COG5: variants seen among roughly 807,000 people sequenced by gnomAD.
COG5 encodes component of oligomeric golgi complex 5.
A neutral mutation model predicts 110.4 loss-of-function variants in COG5; 86 were observed. That is an observed-to-expected ratio of 0.78 (90% CI 0.65 to 0.93). The LOEUF is 0.93. COG5 is among the 40% of genes least tolerant of loss of function. The pLI is 0.00. For missense variants in COG5, 1,077 were observed against 987.0 expected, an observed-to-expected ratio of 1.09 and a Z score of -1.22; for synonymous variants, 360 against 334.6, an observed-to-expected ratio of 1.08 and a Z score of -0.83.
intron 11 of COG5, among the ~76,000 whole-genome samples, chr7:107,320,597 T>G (rs1445480429): frequency 6.6e-6 from 1 of 152,208 alleles, no homozygotes; most frequent in African/African-American, 2.4e-5. Flanking sequence ...AAGGGTGTCT[T>G]TCTGGTTGTC....
At chr7:107,250,247 A>G (rs985238101) in intron 16 of COG5, among the ~76,000 whole-genome samples, 3 of 152,140 alleles carry the variant, frequency 2.0e-5, no homozygotes, top group African/African-American at 7.2e-5. Flanking sequence ...GCCTAATTTT[A>G]TGTTTAAACT....
intron 6 of COG5, among the ~76,000 whole-genome samples, chr7:107,473,402 G>A (rs1321537814): frequency 1.3e-5 from 2 of 151,884 alleles, no homozygotes; most frequent in African/African-American, 2.4e-5. Flanking sequence ...AGTTCAGTGA[G>A]CATTGTAACT....
intron 7 of COG5, among the ~76,000 whole-genome samples, chr7:107,392,879 T>G (rs1790724822): frequency 6.6e-6 from 1 of 152,146 alleles, no homozygotes; most frequent in Admixed American, 6.5e-5. Flanking sequence ...ACACGTTAGC[T>G]CAAACCTTCT....
Position 107,400,506 on chromosome 7 carries a change from GA to G in COG5, c.669+11995del, listed in dbSNP as rs1384373402. On this transcript the variant is annotated intron_variant, in intron 7 of 21. Transcript: ENST00000297135. The stretch of plus-strand genomic sequence containing the variant: ...ACAAACACAATTTTGAGAAATTTTT[GA>G]GAAGCAGAAAGCAATTACACATAGA... 6.6e-5 allele frequency among the ~76,000 whole-genome samples: 10 copies of G among 152,166 alleles called. 3 individuals carry two copies. Among genetic ancestry groups the G allele is most frequent in the African/African-American group, 2.4e-4 (10 of 41,542 alleles).
intron 5 of COG5, among the ~76,000 whole-genome samples, chr7:107,528,634 C>T (rs1366019501): frequency 6.6e-6 from 1 of 152,086 alleles, no homozygotes; most frequent in Non-Finnish European, 1.5e-5. Flanking sequence ...TCTTCAGCCT[C>T]AGTAGTGATT....
rs747262947 is a variant in COG5 at position 107,380,777 on chromosome 7, G to A, written c.670-8017C>T. On this transcript the variant is annotated intron_variant, in intron 7 of 21. Coordinates refer to ENST00000297135, the MANE Select transcript of COG5 (RefSeq NM_006348.5). ...CCTTCCGAAACTATTCCAAACAATA[G>A]GAAAAGAGGGATTCCTCCCTAACTC... Among the ~76,000 whole-genome samples the A allele has an allele frequency of 3.4e-4, 52 of 152,070 alleles. 1 individual carries two copies. The highest frequency in any genetic ancestry group is 7.1e-4 in the Non-Finnish European group (48 of 68,026).
At chr7:107,250,167 C>G (rs1442571036) in intron 16 of COG5, among the ~76,000 whole-genome samples, 1 of 152,052 alleles carries the variant, frequency 6.6e-6, no homozygotes, top group Admixed American at 6.6e-5. Flanking sequence ...AACTATAAGG[C>G]CACGGCAGTG....
intron 7 of COG5, among the ~76,000 whole-genome samples, chr7:107,382,437 TTTTC>T (rs763810697): frequency 1.2e-4 from 18 of 152,198 alleles, no homozygotes; most frequent in Non-Finnish European, 2.5e-4. Context: ...GTTTTTCTTT[TTTTC>T]TTTCTTTTTT....
intron 12 of COG5, among the ~76,000 whole-genome samples, chr7:107,296,867 T>A (rs906027274): frequency 1.3e-5 from 2 of 152,206 alleles, no homozygotes; most frequent in Admixed American, 1.3e-4. Flanking sequence ...TCTTACAAGA[T>A]AGGTGATAAG....
chr7:107,296,161 C>T (rs1368360956), intron 12 of COG5, among the ~76,000 whole-genome samples: 2 of 151,322 alleles, frequency 1.3e-5, no homozygotes, highest in African/African-American at 4.9e-5. Context: ...CCTCCCTCCC[C>T]TCTCTCTCCC....
At chr7:107,284,246 C>G (rs750277171) in intron 12 of COG5, among the ~76,000 whole-genome samples, 1 of 152,104 alleles carries the variant, frequency 6.6e-6, no homozygotes, top group South Asian at 2.1e-4. Context: ...TTAATCTCTA[C>G]GTAAGTCCCC....
Position 107,343,967 on chromosome 7 carries a change from A to C in COG5, c.1026+18066T>G, listed in dbSNP as rs372891647. ...TGCTATCCTCCATGCTTTACTGTTC[A>C]ATTTATAGAGCACAAGCAGAATAGA... On this transcript the variant is annotated intron_variant, in intron 10 of 21. Transcript: ENST00000297135. Among the ~76,000 whole-genome samples the C allele has an allele frequency of 7.9e-5, 12 of 151,968 alleles. 1 individual carries two copies. In the East Asian group the frequency reaches 1.2e-3, roughly 15 times the overall value.
chr7:107,251,207 T>C (rs1437347753), intron 16 of COG5, among the ~76,000 whole-genome samples: 2 of 150,270 alleles, frequency 1.3e-5, no homozygotes, highest in African/African-American at 4.9e-5. Flanking sequence ...TCAGAAAGCA[T>C]GGAGGCCAGA....
chr7:107,506,935 G>C (rs1434351794), intron 6 of COG5, among the ~76,000 whole-genome samples: 4 of 152,222 alleles, frequency 2.6e-5, no homozygotes, highest in Non-Finnish European at 5.9e-5. Context: ...ACTTCCATGA[G>C]ATACACTGTG....
chr7:107,351,020 T>G (rs1318409022), intron 10 of COG5, among the ~76,000 whole-genome samples: 1 of 152,210 alleles, frequency 6.6e-6, no homozygotes, highest in South Asian at 2.1e-4. Context: ...TTTTCTAATT[T>G]ATGTAGAATT....
chr7:107,333,486 A>G (rs1167190695), intron 10 of COG5, among the ~76,000 whole-genome samples: 1 of 152,156 alleles, frequency 6.6e-6, no homozygotes, highest in Non-Finnish European at 1.5e-5. Context: ...TTACATGTAC[A>G]CTGTTCAGAG....
At chr7:107,480,650 A>T (rs1052912373) in intron 6 of COG5, among the ~76,000 whole-genome samples, 32 of 152,102 alleles carry the variant, frequency 2.1e-4, no homozygotes, top group African/African-American at 5.3e-4. Flanking sequence ...ACTTTTTTCT[A>T]AAAAGCATTC....
chr7:107,532,722 A>C (rs1220117633), intron 5 of COG5, among the ~76,000 whole-genome samples: 4 of 152,184 alleles, frequency 2.6e-5, no homozygotes, highest in Non-Finnish European at 5.9e-5. Context: ...AGGAGATAAC[A>C]AAATTAGAAT....
intron 7 of COG5, among the ~76,000 whole-genome samples, chr7:107,394,866 T>C (rs1386366256): frequency 1.3e-5 from 2 of 152,254 alleles, no homozygotes; most frequent in Non-Finnish European, 2.9e-5. Context: ...AATCACATTT[T>C]ACTTTTTCCT....
Sources: allele counts gnomAD v4.1 joint callset (sites outside exome capture counted in the v4.1 genomes callset), GRCh38; gene constraint gnomAD v4.1.1; transcripts MANE v1.5; gene names NCBI Gene and HGNC (gene_info 2026-07-23, HGNC 2026-07-21).